Variants in GDA observed in about 807,000 individuals in gnomAD.
GDA encodes the protein guanine deaminase, also known as cytoplasmic PSD-95 interactor.
In GDA, 18 loss-of-function variants were observed where a neutral mutation model predicts 59.6. That is an observed-to-expected ratio of 0.30 (90% confidence interval 0.21 to 0.45). The LOEUF (loss-of-function observed/expected upper bound fraction) is 0.45, where lower values mean the gene tolerates loss of function less well. Ranked by LOEUF, GDA falls within the 20% of genes least tolerant of loss-of-function variation. GDA has a pLI of 1.00. For synonymous variants in GDA, 201 were observed against 201.1 expected (o/e 1.00, Z 0.00); for missense variants, 427 against 552.3 (o/e 0.77, Z 2.27).
chr9:72,227,987 C>A lies in GDA; in HGVS notation c.867C>A (p.Asn289Lys). 6.2e-7 allele frequency: 1 copy of A among 1,608,862 alleles called. No homozygotes were observed. Among genetic ancestry groups the A allele is most frequent in the Non-Finnish European group, 8.5e-7 (1 of 1,175,612 alleles). Reference sequence around the variant, plus strand: ...GCTACCTCTCTGCAGAAGAACTGAACGTATTCCATGAACGAGGAGCATCCA... The same window carrying A: ...GCTACCTCTCTGCAGAAGAACTGAAAGTATTCCATGAACGAGGAGCATCCA... ...HGCYLSAEELNVFHERGASIA... is the reference protein window; with the variant it reads ...HGCYLSAEELKVFHERGASIA... The change falls in exon 9 of 14, where the codon AAC (asparagine) becomes AAA (lysine). Residue 289 changes from asparagine to lysine, a missense_variant. By Grantham distance (94) the Asn-to-Lys change is moderately conservative. Coordinates refer to ENST00000358399, the MANE Select transcript of GDA (RefSeq NM_004293.5).
At chr9:72,258,825 A>C (rs939384830), downstream of GDA, among the ~76,000 whole-genome samples, 4 of 152,102 alleles carry the variant, frequency 2.6e-5, no homozygotes, top group Non-Finnish European at 5.9e-5. Flanking sequence ...GTGTGGACAC[A>C]GGTCTTCTGC....
intron 1 of GDA, among the ~76,000 whole-genome samples, chr9:72,141,365 A>G (rs1333456864): frequency 6.6e-6 from 1 of 152,202 alleles, no homozygotes; most frequent in African/African-American, 2.4e-5. Context: ...TTAGAAATAT[A>G]CACAAAGGAA....
At chr9:72,213,056 G>A (rs1400010078) in intron 4 of GDA, among the ~76,000 whole-genome samples, 5 of 152,078 alleles carry the variant, frequency 3.3e-5, no homozygotes, top group Admixed American at 2.0e-4. Context: ...AGATCACAAG[G>A]TCAGGAGATC....
chr9:72,194,587 G>A (rs945839897), intron 1 of GDA, among the ~76,000 whole-genome samples: 1 of 152,144 alleles, frequency 6.6e-6, no homozygotes, highest in African/African-American at 2.4e-5. Flanking sequence ...TAGGGGAGGG[G>A]TGATGCCAGC....
chr9:72,164,989 C>CA (rs59456635), intron 1 of GDA, among the ~76,000 whole-genome samples: 19,185 of 130,674 alleles, frequency 0.15, 2,146 homozygotes, highest in African/African-American at 0.32. Context: ...GACTCCATCT[C>CA]AAAAAAAAAA....
chr9:72,137,249 T>TC (rs1197904628), intron 1 of GDA, among the ~76,000 whole-genome samples: 6 of 129,264 alleles, frequency 4.6e-5, no homozygotes, highest in East Asian at 2.1e-4. Context: ...TTTCTTTTTT[T>TC]TTTTTTTTTT....
intron 7 of GDA, among the ~76,000 whole-genome samples, chr9:72,224,322 C>T (rs746040867): frequency 7.9e-5 from 12 of 152,246 alleles, no homozygotes; most frequent in Non-Finnish European, 1.5e-4. Flanking sequence ...TGCATTTCAT[C>T]GGTGGTCTGG....
Position 72,178,646 on chromosome 9 carries a change from G to A in GDA, c.124-16854G>A, listed in dbSNP as rs1322224398. On this transcript the variant is annotated intron_variant, in intron 1 of 13. Transcript: ENST00000358399. ...TTGGTCAGGCTGGTCTCGAACTCCT[G>A]ACCTCAGGTGTTCTGCCCGCCTTGG... 2.6e-5 allele frequency among the ~76,000 whole-genome samples: 4 copies of A among 152,100 alleles called. 1 individual carries two copies. Among genetic ancestry groups the A allele is most frequent in the Non-Finnish European group, 5.9e-5 (4 of 68,028 alleles).
At chr9:72,212,653 T>G (rs1353706224) in intron 4 of GDA, among the ~76,000 whole-genome samples, 1 of 152,056 alleles carries the variant, frequency 6.6e-6, no homozygotes, top group Non-Finnish European at 1.5e-5. Flanking sequence ...ATCAGAGGAA[T>G]AAGGAATCAG....
chr9:72,135,970 G>A (rs889150944), intron 1 of GDA, among the ~76,000 whole-genome samples: 8 of 151,814 alleles, frequency 5.3e-5, no homozygotes, highest in African/African-American at 1.9e-4. Flanking sequence ...ATTACAAATG[G>A]CACCTACATT....
chr9:72,180,700 A>G (rs1324474692), intron 1 of GDA, among the ~76,000 whole-genome samples: 1 of 152,184 alleles, frequency 6.6e-6, no homozygotes, highest in Admixed American at 6.5e-5. Context: ...CTTGGTGTTA[A>G]TTTTACACAC....
chr9:72,156,527 G>A (rs1366286214), intron 1 of GDA, among the ~76,000 whole-genome samples: 1 of 152,190 alleles, frequency 6.6e-6, no homozygotes, highest in Non-Finnish European at 1.5e-5. Flanking sequence ...TCAGAAAGAT[G>A]CTTTCACTCC....
chr9:72,250,039 A>T lies in GDA; in HGVS notation c.*1697A>T. The T allele has an allele frequency of 1.0e-6, 1 of 969,866 alleles. No homozygotes were observed. Among genetic ancestry groups the T allele is most frequent in the Non-Finnish European group, 1.2e-6 (1 of 815,826 alleles). The allele number at this position is 969,866 out of a possible 1,614,324, so 60.1% of individuals were successfully genotyped here. On this transcript the variant is annotated 3_prime_UTR_variant, in exon 14 of 14. Coordinates refer to ENST00000358399, the MANE Select transcript of GDA (RefSeq NM_004293.5). ...TGTTTTGTGAGATAAGTATCTTAGTAAACCCAATTTCCAGTCTTAGTCTGT... is the reference window on the plus strand; with the variant it reads ...TGTTTTGTGAGATAAGTATCTTAGTTAACCCAATTTCCAGTCTTAGTCTGT...
At chr9:72,222,152 T>G (rs1238177380) in intron 6 of GDA, among the ~76,000 whole-genome samples, 3 of 152,194 alleles carry the variant, frequency 2.0e-5, no homozygotes, top group African/African-American at 7.2e-5. Context: ...TTCACAATGG[T>G]TGAAGTAATT....
intron 3 of GDA, among the ~76,000 whole-genome samples, chr9:72,208,192 T>G (rs956052115): frequency 2.6e-5 from 4 of 152,214 alleles, no homozygotes; most frequent in Admixed American, 2.0e-4. Flanking sequence ...TTCATTTCTA[T>G]TATCCTAACT....
At chr9:72,153,902 A>C (rs972967287) in intron 1 of GDA, among the ~76,000 whole-genome samples, 2 of 151,378 alleles carry the variant, frequency 1.3e-5, no homozygotes, top group African/African-American at 4.9e-5. Context: ...AGCATGGCAC[A>C]TGTATACATA....
intron 1 of GDA, among the ~76,000 whole-genome samples, chr9:72,157,012 A>T (rs182912793): frequency 1.4e-5 from 2 of 144,052 alleles, no homozygotes; most frequent in Admixed American, 7.0e-5. Flanking sequence ...ACTGTCTACT[A>T]TCAGACTTCT....
At chr9:72,139,880 C>T (rs551963074) in intron 1 of GDA, among the ~76,000 whole-genome samples, 5 of 152,186 alleles carry the variant, frequency 3.3e-5, no homozygotes, top group East Asian at 3.9e-4. Flanking sequence ...AATATTTATG[C>T]GGGTTATATT....
In GDA at chr9:72,153,593, A is replaced by G. The variant is rs563136851; in HGVS notation, c.123+3911A>G. On this transcript the variant is annotated intron_variant, in intron 1 of 13. Coordinates refer to ENST00000358399, the MANE Select transcript of GDA (RefSeq NM_004293.5). ...TTGGAACCAACCCAAATGTCCATCA[A>G]TGATAGACTGGATTAAGAAAATGTG... Among the ~76,000 whole-genome samples, 744 of 151,256 alleles carry G rather than the reference A, an allele frequency of 4.9e-3. 3 individuals carry two copies. The highest frequency in any genetic ancestry group is 0.017 in the African/African-American group (710 of 41,082).
Sources: gnomAD v4.1 joint callset for allele counts (sites outside exome capture counted in the v4.1 genomes callset) on GRCh38, gnomAD v4.1.1 for gene constraint, MANE v1.5 for transcripts, NCBI Gene and HGNC (gene_info 2026-07-23, HGNC 2026-07-21) for gene names.